The following FBXL7 variants were observed in gnomAD, a reference collection of about 807,000 sequenced individuals.
FBXL7 encodes the protein F-box/LRR-repeat protein 7.
A neutral mutation model predicts 38.3 loss-of-function variants in FBXL7; 12 were observed. The observed-to-expected ratio is 0.31, with a 90% CI of 0.20 to 0.51. FBXL7 has a LOEUF of 0.51. FBXL7 is among the 20% of genes least tolerant of loss of function. The probability of loss-of-function intolerance (pLI) is 0.98; values close to 1 mark genes in which losing one functional copy is unlikely to be tolerated. For missense variants in FBXL7, 567 were observed against 676.4 expected (o/e 0.84, Z 1.79); for synonymous variants, 297 against 300.9 (o/e 0.99, Z 0.13).
At chr5:15,535,232 A>G (rs1480108222) in intron 1 of FBXL7, among the ~76,000 whole-genome samples, 1 of 152,196 alleles carries the variant, frequency 6.6e-6, no homozygotes, top group Non-Finnish European at 1.5e-5. Flanking sequence ...AAAAAAGCGA[A>G]ATAATACAGA....
At position 15,631,403 on chromosome 5, in the gene FBXL7, G is replaced by A. The variant is rs145498759; in HGVS notation, c.127+15331G>A. On this transcript the variant is annotated intron_variant, in intron 2 of 3. Transcript: ENST00000504595. ...ATATATTATACATTTATTAAATATT[G>A]AAGAAGTGTGGGCTGGGCGTGGTGG... 2.8e-3 allele frequency among the ~76,000 whole-genome samples: 423 copies of A among 152,120 alleles called. 3 individuals are homozygous for A. Among genetic ancestry groups the A allele is most frequent in the Non-Finnish European group, 4.6e-3 (311 of 67,964 alleles).
chr5:15,889,595 T>G (rs78341428), intron 2 of FBXL7, among the ~76,000 whole-genome samples: 1,767 of 152,272 alleles, frequency 0.012, 44 homozygotes, highest in African/African-American at 0.04. Flanking sequence ...TCTGCCATAT[T>G]AGAATACCCA....
chr5:15,671,301 C>T (rs1401969285), intron 2 of FBXL7, among the ~76,000 whole-genome samples: 4 of 152,162 alleles, frequency 2.6e-5, no homozygotes, highest in African/African-American at 4.8e-5. Flanking sequence ...AACTCTTGCC[C>T]CTTCTTCAGT....
chr5:15,580,163 G>C (rs1739089538), intron 1 of FBXL7, among the ~76,000 whole-genome samples: 1 of 152,114 alleles, frequency 6.6e-6, no homozygotes, highest in Admixed American at 6.5e-5. Context: ...GGAGACCAGA[G>C]CTCCCCTCTC....
At chr5:15,514,474 G>T (rs922765207) in intron 1 of FBXL7, among the ~76,000 whole-genome samples, 1 of 152,160 alleles carries the variant, frequency 6.6e-6, no homozygotes, top group Non-Finnish European at 1.5e-5. Context: ...TAGAATTATG[G>T]ATGTTATAAT....
intron 1 of FBXL7, chr5:15,580,538 G>T (rs1006156441): frequency 3.8e-6 from 3 of 783,484 alleles, no homozygotes; most frequent in Non-Finnish European, 4.6e-6. Context: ...TCTGTTCCTG[G>T]ATAAGCAAAC....
intron 2 of FBXL7, among the ~76,000 whole-genome samples, chr5:15,673,574 C>T (rs1305806895): frequency 1.3e-5 from 2 of 152,190 alleles, no homozygotes; most frequent in East Asian, 3.9e-4. Context: ...GGAGTGGTCA[C>T]ATGGTAAGAA....
chr5:15,860,596 C>T (rs1296019323), intron 2 of FBXL7, among the ~76,000 whole-genome samples: 1 of 152,190 alleles, frequency 6.6e-6, no homozygotes, highest in Non-Finnish European at 1.5e-5. Context: ...CCTTGAAAAG[C>T]ACTTATTCCA....
chr5:15,768,159 C>G (rs1736638574), intron 2 of FBXL7, among the ~76,000 whole-genome samples: 1 of 152,092 alleles, frequency 6.6e-6, no homozygotes, highest in Admixed American at 6.6e-5. Context: ...GTTGTTTTTT[C>G]CCATGTGTTT....
Position 15,895,633 on chromosome 5 carries a change from C to CTTT in FBXL7, c.128-32233_128-32231dup, listed in dbSNP as rs903652361. 3.5e-4 allele frequency among the ~76,000 whole-genome samples: 34 copies of CTTT among 98,060 alleles called. 1 individual carries two copies. Among genetic ancestry groups the CTTT allele is most frequent in the African/African-American group, 7.2e-4 (17 of 23,540 alleles). The allele number at this position is 98,060 out of a possible 152,430, so 64.3% of individuals were successfully genotyped here. ...TTGATGCTTAGGGCCCTTTTTCATA[C>CTTT]TTTTTTTTTTTTTTTTTTTTTTTTT... On this transcript the variant is annotated intron_variant, in intron 2 of 3. Transcript: ENST00000504595.
intron 2 of FBXL7, among the ~76,000 whole-genome samples, chr5:15,730,051 G>T (rs1735537908): frequency 6.6e-6 from 1 of 152,106 alleles, no homozygotes; most frequent in South Asian, 2.1e-4. Context: ...AAAACATCTA[G>T]ACCACTAGCT....
chr5:15,581,158 A>C (rs1286418528), intron 1 of FBXL7, among the ~76,000 whole-genome samples: 4 of 152,194 alleles, frequency 2.6e-5, no homozygotes, highest in Non-Finnish European at 5.9e-5. Context: ...CTCGAAGCCT[A>C]CTGAGTACCA....
intron 1 of FBXL7, among the ~76,000 whole-genome samples, chr5:15,534,176 CATT>C (rs1180707972): frequency 6.6e-6 from 1 of 152,144 alleles, no homozygotes; most frequent in Non-Finnish European, 1.5e-5. Context: ...ATTGACACAT[CATT>C]ATCACCCAAA....
At chr5:15,501,042 A>G (rs1736472943) in intron 1 of FBXL7, among the ~76,000 whole-genome samples, 1 of 152,212 alleles carries the variant, frequency 6.6e-6, no homozygotes. Context: ...ATGGTTTGGC[A>G]GATGGCGGAA....
chr5:15,594,807 A>G (rs776840761), intron 1 of FBXL7, among the ~76,000 whole-genome samples: 2 of 152,158 alleles, frequency 1.3e-5, no homozygotes, highest in Non-Finnish European at 2.9e-5. Flanking sequence ...TCTTCTTTGC[A>G]TGTTGCAGAA....
intron 2 of FBXL7, among the ~76,000 whole-genome samples, chr5:15,682,325 T>C (rs902794500): frequency 2.0e-5 from 3 of 152,160 alleles, no homozygotes; most frequent in Non-Finnish European, 4.4e-5. Context: ...CTCAATCACG[T>C]GACCTTACTA....
chr5:15,897,313 T>A (rs1741127316), intron 2 of FBXL7, among the ~76,000 whole-genome samples: 1 of 152,224 alleles, frequency 6.6e-6, no homozygotes, highest in South Asian at 2.1e-4. Flanking sequence ...CCTTTGTTCG[T>A]CTTACTCATT....
intron 2 of FBXL7, among the ~76,000 whole-genome samples, chr5:15,636,931 A>C (rs1741204454): frequency 6.6e-6 from 1 of 150,608 alleles, no homozygotes; most frequent in African/African-American, 2.5e-5. Context: ...CATTTTCATC[A>C]GGATGAAAGG....
chr5:15,795,247 G>A (rs1402469264), intron 2 of FBXL7, among the ~76,000 whole-genome samples: 4 of 152,162 alleles, frequency 2.6e-5, no homozygotes, highest in African/African-American at 9.7e-5. Flanking sequence ...GAGAAATGAT[G>A]GTGGTTAGGG....
Sources: gnomAD v4.1 joint callset for allele counts (sites outside exome capture counted in the v4.1 genomes callset) on GRCh38, gnomAD v4.1.1 for gene constraint, MANE v1.5 for transcripts, NCBI Gene and HGNC (gene_info 2026-07-23, HGNC 2026-07-21) for gene names.